The following SLC35F3 variants were observed in gnomAD, a reference collection of about 807,000 sequenced individuals.
SLC35F3 encodes solute carrier family 35 member F3.
In SLC35F3, 25 loss-of-function variants were observed where a neutral mutation model predicts 49.9. The ratio of observed to expected loss-of-function variants is 0.50; its 90% CI spans 0.37 to 0.70. The LOEUF is 0.70. Ranked by LOEUF, SLC35F3 falls within the 30% of genes least tolerant of loss-of-function variation. The pLI is 0.00. For synonymous variants in SLC35F3, 275 were observed against 265.4 expected, an observed-to-expected ratio of 1.04 and a Z score of -0.35; for missense variants, 525 against 639.8, an observed-to-expected ratio of 0.82 and a Z score of 1.94.
rs1008000955 is a variant in SLC35F3, at chr1:233,904,857, A to C, written c.-221A>C. The C allele has an allele frequency of 2.7e-5, 7 of 261,844 alleles. No homozygotes were observed. The highest frequency in any genetic ancestry group is 4.6e-5 in the African/African-American group (2 of 43,692). 16.2% of individuals were successfully genotyped at this position (261,844 alleles called of 1,614,324 possible). The stretch of plus-strand genomic sequence containing the variant: ...CGAGCGCGCGGGCCGGCCTGGAGTC[A>C]CCGGGCTGAACCGCCGCGCCTGCAT... On this transcript the variant is annotated 5_prime_UTR_variant, in exon 1 of 8. Transcript: ENST00000366618.
At chr1:234,124,961 A>G (rs539682361) in intron 2 of SLC35F3, among the ~76,000 whole-genome samples, 22 of 152,270 alleles carry the variant, frequency 1.4e-4, no homozygotes, top group African/African-American at 5.1e-4. Context: ...GTCCTTTCTC[A>G]GCTTTCTTTT....
chr1:233,987,439 A>G (rs1415207480), intron 2 of SLC35F3, among the ~76,000 whole-genome samples: 1 of 151,922 alleles, frequency 6.6e-6, no homozygotes, highest in Non-Finnish European at 1.5e-5. Context: ...CTTTGAATGT[A>G]CTTCTCCATT....
chr1:234,117,138 T>C (rs538885252), intron 2 of SLC35F3, among the ~76,000 whole-genome samples: 2 of 152,284 alleles, frequency 1.3e-5, no homozygotes, highest in African/African-American at 4.8e-5. Flanking sequence ...TAACCCAAGC[T>C]GTAGAATTTC....
At chr1:234,029,776 C>G (rs927436201) in intron 2 of SLC35F3, among the ~76,000 whole-genome samples, 1 of 152,066 alleles carries the variant, frequency 6.6e-6, no homozygotes, top group Admixed American at 6.5e-5. Flanking sequence ...GCAGGAGGAT[C>G]GCTTGAACCC....
intron 2 of SLC35F3, among the ~76,000 whole-genome samples, chr1:233,953,977 G>A (rs570672635): frequency 5.4e-4 from 82 of 151,646 alleles, no homozygotes; most frequent in African/African-American, 1.6e-3. Context: ...GTGATGGGCC[G>A]CATCTGAACA....
Position 234,266,171 on chromosome 1 carries a change from AGAG to A in SLC35F3, c.608+34431_608+34433del, listed in dbSNP as rs541223131. Reference sequence around the variant, plus strand: ...TATTCACTGCTGTATCCCACAACCTAGAGTAGTGCCTGGTGTAGAATGAGCACT... The same window carrying A: ...TATTCACTGCTGTATCCCACAACCTATAGTGCCTGGTGTAGAATGAGCACT... On this transcript the variant is annotated intron_variant, in intron 3 of 7. Coordinates refer to ENST00000366618, the MANE Select transcript of SLC35F3 (RefSeq NM_173508.4). 2.4e-4 allele frequency among the ~76,000 whole-genome samples: 37 copies of A among 152,348 alleles called. No homozygotes were observed. In the South Asian group the frequency reaches 3.7e-3, roughly 15 times the overall value.
chr1:233,998,425 TACTG>T (rs1276201667), intron 2 of SLC35F3, among the ~76,000 whole-genome samples: 2 of 152,008 alleles, frequency 1.3e-5, no homozygotes, highest in Non-Finnish European at 2.9e-5. Context: ...TCCCAACACT[TACTG>T]AGTATTATAC....
intron 2 of SLC35F3, among the ~76,000 whole-genome samples, chr1:234,005,793 G>A (rs1442524108): frequency 1.3e-5 from 2 of 152,164 alleles, no homozygotes; most frequent in Non-Finnish European, 2.9e-5. Flanking sequence ...GTGAGATTGA[G>A]ACAGAGGTCA....
intron 2 of SLC35F3, among the ~76,000 whole-genome samples, chr1:233,945,911 A>G (rs1394914582): frequency 6.6e-6 from 1 of 152,242 alleles, no homozygotes; most frequent in African/African-American, 2.4e-5. Flanking sequence ...GTGAGAACAG[A>G]CTAATACAGA....
intron 2 of SLC35F3, among the ~76,000 whole-genome samples, chr1:233,942,488 C>T (rs538415807): frequency 6.4e-4 from 98 of 152,286 alleles, no homozygotes; most frequent in African/African-American, 2.2e-3. Context: ...ATGGCACAAT[C>T]ATGGCTCACT....
At chr1:234,115,629 A>C (rs1185951515) in intron 2 of SLC35F3, among the ~76,000 whole-genome samples, 1 of 152,260 alleles carries the variant, frequency 6.6e-6, no homozygotes, top group Non-Finnish European at 1.5e-5. Context: ...AGTTGCAAAA[A>C]TAGTAAAAGA....
At chr1:234,289,379 C>T (rs553628776) in intron 3 of SLC35F3, among the ~76,000 whole-genome samples, 4 of 152,144 alleles carry the variant, frequency 2.6e-5, no homozygotes, top group Admixed American at 6.5e-5. Flanking sequence ...AACTTCCCAC[C>T]GGGCTACTAG....
At chr1:234,120,550 G>A (rs968366846) in intron 2 of SLC35F3, among the ~76,000 whole-genome samples, 2 of 152,206 alleles carry the variant, frequency 1.3e-5, no homozygotes, top group Non-Finnish European at 2.9e-5. Flanking sequence ...AAGGCACAAA[G>A]CTGTTGTTGC....
chr1:234,262,572 C>A (rs1572121901), intron 3 of SLC35F3, among the ~76,000 whole-genome samples: 1 of 152,246 alleles, frequency 6.6e-6, no homozygotes, highest in East Asian at 1.9e-4. Context: ...TTTTATTACT[C>A]CCTTCCTGGT....
intron 2 of SLC35F3, among the ~76,000 whole-genome samples, chr1:234,224,709 A>G (rs1471103188): frequency 6.6e-6 from 1 of 152,240 alleles, no homozygotes. Context: ...GAACCAAGTT[A>G]AAACAGTGCC....
chr1:234,164,471 C>T lies in SLC35F3; in HGVS notation c.284-66946C>T, dbSNP rs1666282444. On this transcript the variant is annotated intron_variant, in intron 2 of 7. Coordinates refer to ENST00000366618, the MANE Select transcript of SLC35F3 (RefSeq NM_173508.4). ...TCTCCTGTTTTCTCCTTCCACATAC[C>T]CCAGGCTTGTGAGTAGCAGCTGAGC... is the stretch of plus-strand genomic sequence containing the variant. Among the ~76,000 whole-genome samples, 3 of 151,986 alleles carry T rather than the reference C, an allele frequency of 2.0e-5. 1 individual carries two copies. The East Asian group carries it at 5.8e-4, about 29-fold the overall frequency.
chr1:234,117,151 G>T (rs1665499089), intron 2 of SLC35F3, among the ~76,000 whole-genome samples: 1 of 152,078 alleles, frequency 6.6e-6, no homozygotes, highest in Non-Finnish European at 1.5e-5. Context: ...AGAATTTCTG[G>T]TGCTTCAAAA....
At chr1:233,924,987 G>A (rs867537152) in intron 2 of SLC35F3, among the ~76,000 whole-genome samples, 6 of 152,268 alleles carry the variant, frequency 3.9e-5, no homozygotes, top group Middle Eastern at 3.4e-3. Flanking sequence ...ATTGCACTGT[G>A]GTCTGAGAGA....
intron 2 of SLC35F3, among the ~76,000 whole-genome samples, chr1:234,094,844 A>G (rs1189060413): frequency 6.6e-6 from 1 of 152,222 alleles, no homozygotes; most frequent in African/African-American, 2.4e-5. Flanking sequence ...GGAGAGATCA[A>G]TGGTTCAGTC....
Sources: allele counts gnomAD v4.1 joint callset (sites outside exome capture counted in the v4.1 genomes callset), GRCh38; gene constraint gnomAD v4.1.1; transcripts MANE v1.5; gene names NCBI Gene and HGNC (gene_info 2026-07-23, HGNC 2026-07-21).